Variants in PDGFC observed in about 807,000 individuals in gnomAD.
The protein encoded by PDGFC is platelet derived growth factor C, also known as platelet-derived growth factor C.
Under a neutral mutation model 35.5 loss-of-function variants are expected in PDGFC, and 12 were observed. The observed-to-expected ratio is 0.34, with a 90% CI of 0.22 to 0.55. The LOEUF (loss-of-function observed/expected upper bound fraction) is 0.55. Among genes scored for constraint, PDGFC ranks in the 20% least tolerant of loss-of-function variants. The probability of loss-of-function intolerance (pLI) is 0.91; values close to 1 mark genes in which losing one functional copy is unlikely to be tolerated. For synonymous variants in PDGFC, 159 were observed against 148.8 expected (o/e 1.07, Z -0.50); for missense variants, 322 against 412.4 (o/e 0.78, Z 1.90).
intron 4 of PDGFC, chr4:156,770,060 A>T (rs566116188): frequency 1.3e-5 from 2 of 152,146 alleles, no homozygotes; most frequent in South Asian, 4.1e-4. Flanking sequence ...TTCCTTTAAA[A>T]TGTTTACTTA....
intron 3 of PDGFC, among the ~76,000 whole-genome samples, chr4:156,792,446 A>G (rs1249186254): frequency 6.6e-6 from 1 of 152,190 alleles, no homozygotes; most frequent in Non-Finnish European, 1.5e-5. Context: ...AAAAACAAAA[A>G]CAAACGTGTC....
At chr4:156,822,231 C>T (rs1018366300) in intron 2 of PDGFC, among the ~76,000 whole-genome samples, 6 of 151,532 alleles carry the variant, frequency 4.0e-5, no homozygotes, top group South Asian at 2.1e-4. Flanking sequence ...TGGTGGTGGG[C>T]GCCTGTAGTC....
intron 1 of PDGFC, among the ~76,000 whole-genome samples, chr4:156,870,830 T>C (rs1306920830): frequency 6.6e-6 from 1 of 152,184 alleles, no homozygotes; most frequent in Admixed American, 6.5e-5. Flanking sequence ...TAGTGTAATG[T>C]ATTTGTATAC....
chr4:156,886,702 A>C (rs1265398002), intron 1 of PDGFC: 1 of 152,228 alleles, frequency 6.6e-6, no homozygotes, highest in Non-Finnish European at 1.5e-5. Context: ...GACTGTGACC[A>C]ATAATGGAGA....
intron 2 of PDGFC, among the ~76,000 whole-genome samples, chr4:156,829,974 T>A (rs6838221): frequency 0.026 from 3,886 of 152,132 alleles, 162 homozygotes; most frequent in African/African-American, 0.088. Flanking sequence ...TAGTACTACT[T>A]CACTAATTTA....
At chr4:156,804,643 G>A (rs1731709745) in intron 3 of PDGFC, among the ~76,000 whole-genome samples, 1 of 151,894 alleles carries the variant, frequency 6.6e-6, no homozygotes, top group African/African-American at 2.4e-5. Flanking sequence ...GACCAAGGGA[G>A]ATATTATATA....
intron 1 of PDGFC, among the ~76,000 whole-genome samples, chr4:156,935,226 G>A (rs575358730): frequency 2.3e-4 from 35 of 152,226 alleles, no homozygotes; most frequent in Admixed American, 5.9e-4. Context: ...TCGATCTCTT[G>A]ACCTCATGAC....
In PDGFC at chr4:156,971,213, G is replaced by A. The variant is rs1579134865; in HGVS notation, c.-310C>T. Reference sequence around the variant, plus strand: ...GGGGGTGAAGGCGAGGGAGGAATGAGGGGGTGGGGACGCGGGGGAGCGGCG... The same window carrying A: ...GGGGGTGAAGGCGAGGGAGGAATGAAGGGGTGGGGACGCGGGGGAGCGGCG... On this transcript the variant is annotated 5_prime_UTR_variant, in exon 1 of 6. Transcript: ENST00000502773. 4.7e-6 allele frequency: 2 copies of A among 423,376 alleles called. No individual in the cohort carries two copies. Among genetic ancestry groups the A allele is most frequent in the East Asian group, 6.7e-5 (2 of 29,804 alleles). 26.2% of individuals were successfully genotyped at this position (423,376 alleles called of 1,614,324 possible).
intron 1 of PDGFC, among the ~76,000 whole-genome samples, chr4:156,867,593 C>A (rs1579065958): frequency 6.6e-6 from 1 of 152,158 alleles, no homozygotes. Flanking sequence ...CTCCCACACC[C>A]TGTTGTTACC....
chr4:156,773,536 G>C (rs1042433655), intron 3 of PDGFC: 1 of 152,032 alleles, frequency 6.6e-6, no homozygotes, highest in Non-Finnish European at 1.5e-5. Flanking sequence ...TTAGTATCCA[G>C]AATATACAAA....
intron 1 of PDGFC, among the ~76,000 whole-genome samples, chr4:156,900,871 A>G (rs1730751862): frequency 7.3e-6 from 1 of 137,188 alleles, no homozygotes; most frequent in South Asian, 2.8e-4. Context: ...GCAAGGATGA[A>G]GGAAGGAGGG....
rs147238435 is a variant in PDGFC, at chr4:156,840,736, C to T, written c.314+9485G>A. 2.6e-5 allele frequency among the ~76,000 whole-genome samples: 4 copies of T among 152,312 alleles called. No individual in the cohort carries two copies. The East Asian group carries it at 7.8e-4, about 30-fold the overall frequency. The stretch of plus-strand genomic sequence containing the variant: ...AGAGTGGGGCTGTACCCTGCAAAGC[C>T]ACAGGGGCAGAGCTGCCCAAGGCCA... On this transcript the variant is annotated intron_variant, in intron 2 of 5. Transcript: ENST00000502773.
intron 1 of PDGFC, among the ~76,000 whole-genome samples, chr4:156,912,356 G>A (rs1043577044): frequency 3.4e-4 from 51 of 152,234 alleles, no homozygotes; most frequent in African/African-American, 1.2e-3. Flanking sequence ...TAAGAACTCA[G>A]TTCCTGGTAT....
At chr4:156,818,983 A>C (rs1448609327) in intron 2 of PDGFC, among the ~76,000 whole-genome samples, 1 of 152,120 alleles carries the variant, frequency 6.6e-6, no homozygotes, top group Non-Finnish European at 1.5e-5. Flanking sequence ...TAATTGCTCA[A>C]ATTAAAAAAA....
chr4:156,789,224 A>C (rs1000727781), intron 3 of PDGFC, among the ~76,000 whole-genome samples: 1 of 152,198 alleles, frequency 6.6e-6, no homozygotes, highest in African/African-American at 2.4e-5. Context: ...AGACAGAAAA[A>C]CTTATGATTC....
chr4:156,825,454 G>A (rs1041648644), intron 2 of PDGFC, among the ~76,000 whole-genome samples: 2 of 150,664 alleles, frequency 1.3e-5, no homozygotes, highest in Non-Finnish European at 2.9e-5. Context: ...GGAGGCTGAG[G>A]TGGGAGGATC....
chr4:156,949,229 T>C (rs776012473), intron 1 of PDGFC, among the ~76,000 whole-genome samples: 15 of 151,952 alleles, frequency 9.9e-5, no homozygotes, highest in Admixed American at 2.0e-4. Flanking sequence ...TTTAAATATG[T>C]GTATAATATA....
chr4:156,862,887 G>T (rs1234572223), intron 1 of PDGFC, among the ~76,000 whole-genome samples: 2 of 151,944 alleles, frequency 1.3e-5, no homozygotes, highest in African/African-American at 4.8e-5. Context: ...TAGAGACGGG[G>T]TATCACCATC....
chr4:156,850,956 T>C (rs1030486576), intron 1 of PDGFC, among the ~76,000 whole-genome samples: 1 of 152,188 alleles, frequency 6.6e-6, no homozygotes, highest in Non-Finnish European at 1.5e-5. Context: ...CAGAAGTGGA[T>C]AGGTAGAAAA....
Sources: gnomAD v4.1 joint callset for allele counts (sites outside exome capture counted in the v4.1 genomes callset) on GRCh38, gnomAD v4.1.1 for gene constraint, MANE v1.5 for transcripts, NCBI Gene and HGNC (gene_info 2026-07-23, HGNC 2026-07-21) for gene names.